Variants in COL25A1 observed in about 807,000 individuals in gnomAD.
The protein encoded by COL25A1 is collagen alpha-1(XXV) chain.
A neutral mutation model predicts 128.4 loss-of-function variants in COL25A1; 103 were observed. The ratio of observed to expected loss-of-function variants is 0.80; its 90% CI spans 0.68 to 0.94. The LOEUF (loss-of-function observed/expected upper bound fraction) is 0.94, where lower values mean the gene tolerates loss of function less well. Among genes scored for constraint, COL25A1 ranks in the 40% least tolerant of loss-of-function variants. COL25A1 has a pLI of 0.00. For synonymous variants in COL25A1, 279 were observed against 277.2 expected, an observed-to-expected ratio of 1.01 and a Z score of -0.06; for missense variants, 745 against 840.0, an observed-to-expected ratio of 0.89 and a Z score of 1.40.
chr4:109,271,564 C>T (rs1782200542), intron 3 of COL25A1, among the ~76,000 whole-genome samples: 1 of 152,162 alleles, frequency 6.6e-6, no homozygotes, highest in South Asian at 2.1e-4. Context: ...CTTGGATTTG[C>T]TCTTTGGAGG....
intron 3 of COL25A1, among the ~76,000 whole-genome samples, chr4:109,241,481 G>A (rs1164606321): frequency 6.6e-6 from 1 of 151,834 alleles, no homozygotes; most frequent in East Asian, 1.9e-4. Flanking sequence ...ATTCTACGAA[G>A]TCATATATAC....
At chr4:109,069,663 T>A (rs986542768) in intron 3 of COL25A1, among the ~76,000 whole-genome samples, 12 of 152,134 alleles carry the variant, frequency 7.9e-5, no homozygotes, top group African/African-American at 2.9e-4. Context: ...GGTGGAACAA[T>A]AAAGAATTGG....
At chr4:108,984,552 T>C (rs76245509) in intron 6 of COL25A1, among the ~76,000 whole-genome samples, 1 of 152,176 alleles carries the variant, frequency 6.6e-6, no homozygotes, top group Non-Finnish European at 1.5e-5. Context: ...GGAAGGCAGC[T>C]AAGGCCCAGC....
intron 3 of COL25A1, among the ~76,000 whole-genome samples, chr4:109,135,500 G>A (rs1321687593): frequency 6.6e-6 from 1 of 152,006 alleles, no homozygotes; most frequent in African/African-American, 2.4e-5. Context: ...ACCTAGATTA[G>A]AAGCAAATAT....
At chr4:109,171,350 C>T (rs1773564607) in intron 3 of COL25A1, among the ~76,000 whole-genome samples, 1 of 152,284 alleles carries the variant, frequency 6.6e-6, no homozygotes, top group Admixed American at 6.5e-5. Context: ...AAACCCTAAT[C>T]CCAGTTTGAT....
intron 3 of COL25A1, among the ~76,000 whole-genome samples, chr4:109,214,034 C>T (rs931932589): frequency 1.3e-5 from 2 of 152,034 alleles, no homozygotes; most frequent in African/African-American, 4.8e-5. Context: ...TAGCCTCAAC[C>T]CACCCTCAGC....
chr4:109,269,590 A>ATGTTT (rs1168042368), intron 3 of COL25A1, among the ~76,000 whole-genome samples: 2 of 150,244 alleles, frequency 1.3e-5, no homozygotes, highest in Non-Finnish European at 2.9e-5. Context: ...CCTCTCCAGC[A>ATGTTT]CCTGTTGTTT....
intron 5 of COL25A1, among the ~76,000 whole-genome samples, chr4:109,037,194 G>A (rs1759437648): frequency 6.6e-6 from 1 of 152,182 alleles, no homozygotes; most frequent in Admixed American, 6.5e-5. Flanking sequence ...TAAATTTGTA[G>A]TTTCCAGATT....
At chr4:109,235,173 C>G (rs1210156877) in intron 3 of COL25A1, among the ~76,000 whole-genome samples, 2 of 151,952 alleles carry the variant, frequency 1.3e-5, no homozygotes, top group Non-Finnish European at 2.9e-5. Context: ...TCAGAGATTG[C>G]TAAGTGAGAA....
intron 3 of COL25A1, among the ~76,000 whole-genome samples, chr4:109,146,364 A>G (rs2126094253): frequency 6.6e-6 from 1 of 152,348 alleles, no homozygotes; most frequent in South Asian, 2.1e-4. Context: ...ATCCTGGAGA[A>G]AGATTTAAAA....
At chr4:109,206,403 C>G (rs553309169) in intron 3 of COL25A1, among the ~76,000 whole-genome samples, 82 of 152,108 alleles carry the variant, frequency 5.4e-4, no homozygotes, top group African/African-American at 2.0e-3. Flanking sequence ...AATGAAATAA[C>G]CAATATATGA....
chr4:109,239,160 T>C (rs1057401099), intron 3 of COL25A1, among the ~76,000 whole-genome samples: 2 of 151,828 alleles, frequency 1.3e-5, no homozygotes, highest in African/African-American at 2.4e-5. Flanking sequence ...GGGGATACAT[T>C]CTGAGAACTG....
chr4:109,050,498 A>G (rs946140048), intron 3 of COL25A1, among the ~76,000 whole-genome samples: 19 of 152,068 alleles, frequency 1.2e-4, no homozygotes, highest in Non-Finnish European at 1.9e-4. Context: ...GTTGAGTTTT[A>G]TATTTCTAAG....
intron 13 of COL25A1, among the ~76,000 whole-genome samples, chr4:108,915,768 CA>C (rs1361900317): frequency 2.0e-5 from 3 of 152,038 alleles, no homozygotes; most frequent in Non-Finnish European, 4.4e-5. Flanking sequence ...TTCTAAGCAT[CA>C]AAAGTAATCT....
chr4:109,013,450 T>A (rs1164445965), intron 5 of COL25A1, among the ~76,000 whole-genome samples: 3 of 114,324 alleles, frequency 2.6e-5, no homozygotes, highest in Non-Finnish European at 5.2e-5. Flanking sequence ...GCAGGCTGCC[T>A]GAGCCAGCAG....
chr4:108,948,694 C>T (rs967021345), intron 8 of COL25A1, among the ~76,000 whole-genome samples: 1 of 152,028 alleles, frequency 6.6e-6, no homozygotes, highest in African/African-American at 2.4e-5. Flanking sequence ...CTAGTCACTC[C>T]AGGAATTGTC....
intron 3 of COL25A1, among the ~76,000 whole-genome samples, chr4:109,064,151 T>G (rs1311413922): frequency 6.6e-6 from 1 of 152,176 alleles, no homozygotes; most frequent in Non-Finnish European, 1.5e-5. Context: ...TTACATATAT[T>G]GGATAGATTA....
intron 3 of COL25A1, among the ~76,000 whole-genome samples, chr4:109,208,034 A>G (rs2126191363): frequency 6.6e-6 from 1 of 152,342 alleles, no homozygotes; most frequent in African/African-American, 2.4e-5. Context: ...GTTGTCCTGC[A>G]GCTTAACAGA....
rs1725606378 is a variant in COL25A1, at chr4:109,302,007, T to A, written c.13A>T (p.Lys5Ter). The part of the protein sequence containing the change: MLLK[K>*]HAGKGGGREP... ...CGGCCCCCTCCTTTCCCTGCGTGCTTCTTCAGCAGCATCGTGGCGGGGTCG... is the reference window on the plus strand; with the variant it reads ...CGGCCCCCTCCTTTCCCTGCGTGCTACTTCAGCAGCATCGTGGCGGGGTCG... The change falls in exon 2 of 38, where the codon AAG becomes TAG. Residue 5 changes from lysine (K) to a stop codon, truncating the protein, a stop_gained. Coordinates refer to ENST00000399132, the MANE Select transcript of COL25A1 (RefSeq NM_198721.4). LOFTEE classifies it high-confidence loss of function. 1 of 1,593,830 alleles carries A rather than the reference T, an allele frequency of 6.3e-7. No individual in the cohort carries two copies. The highest frequency in any genetic ancestry group is 1.3e-5 in the African/African-American group (1 of 74,600).
Sources: allele counts gnomAD v4.1 joint callset (sites outside exome capture counted in the v4.1 genomes callset), GRCh38; gene constraint gnomAD v4.1.1; transcripts MANE v1.5; gene names NCBI Gene and HGNC (gene_info 2026-07-23, HGNC 2026-07-21).